F8: variants seen among roughly 807,000 people sequenced by gnomAD.
F8 encodes the protein antihemophilic factor.
F8 carries 12 observed loss-of-function variants against 140.6 expected under a neutral mutation model. The observed-to-expected ratio is 0.09, with a 90% CI of 0.05 to 0.14. The LOEUF is 0.14. Ranked by LOEUF, F8 falls within the 10% of genes least tolerant of loss-of-function variation. The pLI, the probability that F8 is intolerant of heterozygous loss-of-function variation, is 1.00. For synonymous variants in F8, 585 were observed against 614.6 expected (o/e 0.95, Z 0.71); for missense variants, 1,354 against 1,720.7 (o/e 0.79, Z 3.77).
At chrX:154,906,944 C>T (rs1355286624) in intron 14 of F8, among the ~76,000 whole-genome samples, 1 of 111,954 alleles carries the variant, frequency 8.9e-6, no homozygotes, top group African/African-American at 3.2e-5. Flanking sequence ...AAATTGTGAA[C>T]TAAAAAAATT....
chrX:154,977,951 A>T (rs1460613823), intron 6 of F8, among the ~76,000 whole-genome samples: 1 of 110,328 alleles, frequency 9.1e-6, no homozygotes, highest in Non-Finnish European at 1.9e-5. Context: ...CTCATTTTTT[A>T]AAATTCTTTT....
intron 3 of F8, among the ~76,000 whole-genome samples, chrX:154,993,871 G>A (rs377473591): frequency 2.8e-4 from 31 of 112,151 alleles, no homozygotes; most frequent in African/African-American, 9.7e-4. Flanking sequence ...ACTATGTTTG[G>A]TGGGGGACAT....
At chrX:154,958,590 G>T (rs782062399) in intron 10 of F8, among the ~76,000 whole-genome samples, 1 of 111,280 alleles carries the variant, frequency 9.0e-6, no homozygotes, top group Non-Finnish European at 1.9e-5. Flanking sequence ...AATTCTTATC[G>T]GCAATAATGA....
chrX:154,993,261 T>TTTGTTG (rs1226840424), intron 3 of F8, 113 bp from the exon 4 acceptor site: 5 of 632,162 alleles, frequency 7.9e-6, no homozygotes, highest in South Asian at 5.6e-5. Context: ...TTTCTGCATC[T>TTTGTTG]TTGTTGTTGT....
intron 6 of F8, among the ~76,000 whole-genome samples, chrX:154,984,408 G>A (rs781898853): frequency 9.0e-6 from 1 of 111,271 alleles, no homozygotes; most frequent in African/African-American, 3.3e-5. Context: ...CATATTTTAG[G>A]TTCTTTTTAA....
intron 21 of F8, among the ~76,000 whole-genome samples, chrX:154,899,287 G>A (rs1302426206): frequency 8.9e-5 from 10 of 112,272 alleles, no homozygotes; most frequent in Non-Finnish European, 1.9e-4. Context: ...TTTAGGTGGA[G>A]AGGCTGAGCA....
intron 6 of F8, 83 bp downstream of exon 6, chrX:154,984,604 C>A: frequency 1.4e-6 from 1 of 700,104 alleles, no homozygotes. Flanking sequence ...CTCTGAGATG[C>A]CGAGCTGTTT....
intron 11 of F8, 25 bp from the exon 12 acceptor site, chrX:154,954,067 G>A (rs984148903): frequency 1.7e-6 from 2 of 1,202,347 alleles, no homozygotes; most frequent in Non-Finnish European, 2.3e-6. Context: ...TATTGAAAGG[G>A]GTAAAGAAAT....
intron 22 of F8, among the ~76,000 whole-genome samples, chrX:154,863,780 G>A (rs782452146): frequency 4.5e-5 from 5 of 111,482 alleles, no homozygotes; most frequent in South Asian, 3.8e-4. Context: ...ACATTCTAGC[G>A]GCAGGCCTGT....
intron 12 of F8, among the ~76,000 whole-genome samples, chrX:154,952,543 ATT>A (rs782661825): frequency 1.9e-4 from 18 of 96,012 alleles, no homozygotes; most frequent in Non-Finnish European, 1.9e-4. Flanking sequence ...TTCGTTCAGG[ATT>A]TTTTTTTTTT....
At chrX:154,842,971 G>A (rs917755069) in intron 25 of F8, among the ~76,000 whole-genome samples, 4 of 110,877 alleles carry the variant, frequency 3.6e-5, no homozygotes, top group Admixed American at 9.6e-5. Flanking sequence ...GACAGGCCCC[G>A]GTGTGTGATG....
chrX:155,020,914 C>T (rs1336639654), intron 1 of F8, among the ~76,000 whole-genome samples: 1 of 112,077 alleles, frequency 8.9e-6, no homozygotes, highest in Non-Finnish European at 1.9e-5. Context: ...GTTCTGACCT[C>T]TTTGGAAATT....
At chrX:154,852,006 C>G (rs1405238167) in intron 25 of F8, among the ~76,000 whole-genome samples, 1 of 111,712 alleles carries the variant, frequency 9.0e-6, no homozygotes, top group Admixed American at 9.5e-5. Context: ...TAACAATTTA[C>G]CTCTTTGTTT....
chrX:154,923,296 T>C (rs1355703354), intron 14 of F8, among the ~76,000 whole-genome samples: 1 of 112,243 alleles, frequency 8.9e-6, no homozygotes, highest in East Asian at 2.8e-4. Context: ...TGTAACCTGC[T>C]TTCCCTGGTC....
Position 154,976,652 on chromosome X carries a change from C to T in F8, c.788-7100G>A, listed in dbSNP as rs782195356. 4.7e-5 allele frequency among the ~76,000 whole-genome samples: 5 copies of T among 106,346 alleles called. No individual in the cohort carries two copies. In the South Asian group the frequency reaches 2.2e-3, roughly 47 times the overall value. The allele number at this position is 106,346 out of a possible 115,157, so 92.3% of individuals were successfully genotyped here. A position where few individuals can be genotyped will look rare whatever the true frequency, so the allele number is the denominator to read the frequency against. ...ATGTGATCTCATTGTTCAATTCCCACCTATGAGTGAGAATATGCGGTCCAA... is the reference window on the plus strand; with the variant it reads ...ATGTGATCTCATTGTTCAATTCCCATCTATGAGTGAGAATATGCGGTCCAA... On this transcript the variant is annotated intron_variant, in intron 6 of 25. Coordinates refer to ENST00000360256, the MANE Select transcript of F8 (RefSeq NM_000132.4).
intron 22 of F8, among the ~76,000 whole-genome samples, chrX:154,891,288 A>G (rs966934322): frequency 1.8e-5 from 2 of 113,341 alleles, no homozygotes; most frequent in East Asian, 5.5e-4. Flanking sequence ...TAATTTGACA[A>G]CACAAAAGAG....
intron 20 of F8, 118 bp from the exon 21 acceptor site, chrX:154,900,069 A>G: frequency 1.7e-6 from 1 of 591,707 alleles, no homozygotes; most frequent in Non-Finnish European, 2.7e-6. Flanking sequence ...AGAGAAAAAC[A>G]TAAAGGCTTT....
At position 154,966,095 on chromosome X, in the gene F8, T is replaced by C. The variant is rs782564345; in HGVS notation, c.1318A>G (p.Arg440Gly). The change falls in exon 9 of 26, where the codon AGG becomes GGG. Residue 440 changes from arginine to glycine, a missense_variant. Transcript: ENST00000360256. ...YLNNGPQRIG[R>G]KYKKVRFMAY... The stretch of plus-strand genomic sequence containing the variant: ...ATAAATCGGACTTTTTTGTACTTCC[T>C]ACCAATCCGCTGAGGGCCATTGTTC... 2 of 1,210,967 alleles carry C rather than the reference T, an allele frequency of 1.7e-6. No individual in the cohort carries two copies. Among genetic ancestry groups the C allele is most frequent in the Non-Finnish European group, 2.2e-6 (2 of 894,834 alleles).
At chrX:154,942,559 T>A (rs187076334) in intron 13 of F8, among the ~76,000 whole-genome samples, 1 of 111,652 alleles carries the variant, frequency 9.0e-6, no homozygotes, top group Admixed American at 9.5e-5. Flanking sequence ...CAGGACCAGA[T>A]GGATTCACAG....
Sources: gnomAD v4.1 joint callset for allele counts (sites outside exome capture counted in the v4.1 genomes callset) on GRCh38, gnomAD v4.1.1 for gene constraint, MANE v1.5 for transcripts, NCBI Gene and HGNC (gene_info 2026-07-23, HGNC 2026-07-21) for gene names.